NAV3: variants seen among roughly 807,000 people sequenced by gnomAD.
NAV3 encodes neuron navigator 3, also known as pore membrane and/or filament interacting like protein 1.
Under a neutral mutation model 244.7 loss-of-function variants are expected in NAV3, and 87 were observed. The ratio of observed to expected loss-of-function variants is 0.36; its 90% CI spans 0.30 to 0.42. The LOEUF is 0.42. Among genes scored for constraint, NAV3 ranks in the 20% least tolerant of loss-of-function variants. The pLI is 1.00. For missense variants in NAV3, 2,663 were observed against 2,893.3 expected (o/e 0.92, Z 1.83); for synonymous variants, 1,126 against 1,042.2 (o/e 1.08, Z -1.55).
At chr12:77,646,689 A>G (rs1304897165) in intron 2 of NAV3, among the ~76,000 whole-genome samples, 1 of 152,032 alleles carries the variant, frequency 6.6e-6, no homozygotes, top group African/African-American at 2.4e-5. Flanking sequence ...GTCTGGGAGG[A>G]GTGCAAGATG....
chr12:78,202,472 G>A (rs551945275), intron 38 of NAV3, among the ~76,000 whole-genome samples: 2 of 151,930 alleles, frequency 1.3e-5, no homozygotes, highest in African/African-American at 4.8e-5. Context: ...AGGTACATGG[G>A]TTCTTTTTTC....
At chr12:78,044,905 T>C (rs1881505630) in intron 9 of NAV3, among the ~76,000 whole-genome samples, 1 of 152,156 alleles carries the variant, frequency 6.6e-6, no homozygotes, top group Non-Finnish European at 1.5e-5. Flanking sequence ...TCTCTTCCTA[T>C]CTAAATGCAC....
At chr12:78,187,402 G>A (rs1214286133) in intron 31 of NAV3, among the ~76,000 whole-genome samples, 2 of 151,674 alleles carry the variant, frequency 1.3e-5, no homozygotes, top group East Asian at 3.9e-4. Context: ...ACTAGAACCA[G>A]GATTATAATA....
intron 6 of NAV3, among the ~76,000 whole-genome samples, chr12:77,996,666 A>C (rs1266187807): frequency 2.6e-5 from 4 of 152,144 alleles, no homozygotes; most frequent in African/African-American, 9.7e-5. Context: ...TGAAAATGAT[A>C]TAGTCTAGTA....
chr12:77,574,791 T>C (rs1258763841), intron 2 of NAV3, among the ~76,000 whole-genome samples: 6 of 151,586 alleles, frequency 4.0e-5, no homozygotes, highest in Admixed American at 2.0e-4. Context: ...CTTATTATAT[T>C]CTACTTCTAA....
intron 2 of NAV3, among the ~76,000 whole-genome samples, chr12:77,683,130 A>G (rs1277780978): frequency 6.6e-6 from 1 of 152,058 alleles, no homozygotes; most frequent in East Asian, 1.9e-4. Flanking sequence ...TTCTTCCAAT[A>G]ATTTTATAGT....
At chr12:77,714,588 A>G (rs1317850960) in intron 2 of NAV3, among the ~76,000 whole-genome samples, 2 of 152,178 alleles carry the variant, frequency 1.3e-5, no homozygotes, top group Admixed American at 6.6e-5. Flanking sequence ...CGTAAAAGGC[A>G]TGTGCCCATT....
intron 2 of NAV3, among the ~76,000 whole-genome samples, chr12:77,719,532 A>C (rs1032899714): frequency 6.6e-6 from 1 of 152,048 alleles, no homozygotes; most frequent in Non-Finnish European, 1.5e-5. Flanking sequence ...GAATTTTGTC[A>C]AATGATTTTT....
At chr12:77,658,930 G>C (rs998120473) in intron 2 of NAV3, among the ~76,000 whole-genome samples, 9 of 152,102 alleles carry the variant, frequency 5.9e-5, no homozygotes, top group South Asian at 2.1e-4. Flanking sequence ...AACTGGATCT[G>C]TTCCTTACAC....
chr12:77,960,898 A>G (rs1275491232), intron 3 of NAV3, among the ~76,000 whole-genome samples: 1 of 146,588 alleles, frequency 6.8e-6, no homozygotes, highest in Non-Finnish European at 1.5e-5. Flanking sequence ...ATATGAACAT[A>G]TCATATATTC....
chr12:77,951,890 G>A (rs1029735760), intron 3 of NAV3, among the ~76,000 whole-genome samples: 3 of 152,036 alleles, frequency 2.0e-5, no homozygotes, highest in African/African-American at 7.2e-5. Context: ...GACACAGGAA[G>A]GAGAACATCA....
At chr12:77,923,288 G>A (rs773421765) in intron 1 of NAV3, among the ~76,000 whole-genome samples, 33 of 152,042 alleles carry the variant, frequency 2.2e-4, no homozygotes, top group Non-Finnish European at 3.8e-4. Context: ...TTATGATAGT[G>A]AAGAATTTTG....
intron 2 of NAV3, among the ~76,000 whole-genome samples, chr12:77,609,581 G>T (rs74631722): frequency 6.6e-6 from 1 of 151,970 alleles, no homozygotes; most frequent in Non-Finnish European, 1.5e-5. Flanking sequence ...TATAGGGCCC[G>T]ATCCCTGAGT....
At chr12:77,826,043 G>A (rs896220487), upstream of NAV3, among the ~76,000 whole-genome samples, 1 of 152,150 alleles carries the variant, frequency 6.6e-6, no homozygotes, top group Admixed American at 6.5e-5. Context: ...TATAGAGTAT[G>A]TGGAGCAACT....
intron 2 of NAV3, among the ~76,000 whole-genome samples, chr12:77,808,980 G>A (rs142379432): frequency 0.019 from 2,907 of 152,248 alleles, 92 homozygotes; most frequent in African/African-American, 0.067. Context: ...ACTGTGAGGG[G>A]AAAACCACCT....
chr12:77,922,754 A>G (rs895386220), intron 1 of NAV3, among the ~76,000 whole-genome samples: 4 of 152,166 alleles, frequency 2.6e-5, no homozygotes, highest in Non-Finnish European at 4.4e-5. Context: ...TTGTTTTTCT[A>G]GAAGACCAAA....
Position 78,050,838 on chromosome 12 carries a change from G to A in NAV3, c.2207G>A (p.Arg736Gln), listed in dbSNP as rs754653329. Reference protein sequence around the residue: ...NGRTIPNLTSRPTPMTWRLGQ... With the variant: ...NGRTIPNLTSQPTPMTWRLGQ... ...AGGACCATACCCAACTTGACAAGTC[G>A]ACCCACCCCCATGACCTGGAGGTTG... Residue 736 changes from arginine to glutamine, a missense_variant, in exon 11 of 40, where the codon CGA becomes CAA. This residue lies in a region of NAV3 where 1,521 missense variants were observed against 1,497.0 expected (regional missense o/e 1.02). Coordinates refer to ENST00000397909, the MANE Select transcript of NAV3 (RefSeq NM_001024383.2). The A allele has an allele frequency of 1.9e-6, 3 of 1,613,874 alleles. No homozygotes were observed. Among genetic ancestry groups the A allele is most frequent in the South Asian group, 1.1e-5 (1 of 91,054 alleles).
Position 77,966,243 on chromosome 12 carries a change from T to C in NAV3, c.429T>C (p.Asp143=). Residue 143 remains aspartate, a synonymous_variant, in exon 4 of 40, where the codon GAT becomes GAC. Transcript: ENST00000397909. The part of the protein sequence containing the change: ...RSQSQMIENV[D]VCLSFLAARG... ...TCATGTTGCAGATTGAAAATGTTGA[T>C]GTCTGCCTTAGTTTTCTAGCAGCCA... 1 of 1,613,738 alleles carries C rather than the reference T, an allele frequency of 6.2e-7. No individual in the cohort carries two copies. Among genetic ancestry groups the C allele is most frequent in the African/African-American group, 1.3e-5 (1 of 75,032 alleles).
intron 18 of NAV3, among the ~76,000 whole-genome samples, chr12:78,134,267 C>T (rs1008429117): frequency 2.0e-5 from 3 of 152,178 alleles, no homozygotes; most frequent in Non-Finnish European, 4.4e-5. Flanking sequence ...AGCATAGAAT[C>T]TCACAGTCAG....
Sources: allele counts gnomAD v4.1 joint callset (sites outside exome capture counted in the v4.1 genomes callset), GRCh38; gene constraint gnomAD v4.1.1; regional missense constraint gnomAD v4.1.1; transcripts MANE v1.5; gene names NCBI Gene and HGNC (gene_info 2026-07-23, HGNC 2026-07-21).